Variants in AHR observed in about 807,000 individuals in gnomAD.
AHR encodes the protein AH-receptor.
AHR carries 40 observed loss-of-function variants against 86.8 expected under a neutral mutation model. The observed-to-expected ratio is 0.46, with a 90% confidence interval of 0.36 to 0.60. The LOEUF (loss-of-function observed/expected upper bound fraction) is 0.60. Ranked by LOEUF, AHR falls within the 20% of genes least tolerant of loss-of-function variation. AHR has a pLI of 0.00. For missense variants in AHR, 1,001 were observed against 1,011.6 expected (o/e 0.99, Z 0.14); for synonymous variants, 398 against 354.9 (o/e 1.12, Z -1.37).
At position 17,330,848 on chromosome 7, in the gene AHR, C is replaced by T; in HGVS notation, c.667C>T (p.Arg223Cys). The T allele has an allele frequency of 6.2e-7, 1 of 1,612,268 alleles. No homozygotes were observed. Among genetic ancestry groups the T allele is most frequent in the African/African-American group, 1.3e-5 (1 of 74,960 alleles). Residue 223 changes from arginine to cysteine, a missense_variant, in exon 6 of 11, where the codon CGT (arginine) becomes TGT (cysteine). This residue lies in a region of AHR where 394 missense variants were observed against 468.5 expected (regional missense o/e 0.84). Coordinates refer to ENST00000242057, the MANE Select transcript of AHR (RefSeq NM_001621.5). ...TTTAATGGAGAGGTGCTTCATATGT[C>T]GTCTAAGGTGTCTGCTGGATAATTC... Reference protein sequence around the residue: ...SPLMERCFICRLRCLLDNSSG... With the variant: ...SPLMERCFICCLRCLLDNSSG...
chr7:17,329,207 A>G (rs532095829), intron 4 of AHR, among the ~76,000 whole-genome samples: 1 of 151,988 alleles, frequency 6.6e-6, no homozygotes, highest in East Asian at 1.9e-4. Flanking sequence ...ACAGTGGATC[A>G]CTATCAAACT....
chr7:17,340,777 A>G (rs911301943), intron 10 of AHR, among the ~76,000 whole-genome samples: 2 of 152,100 alleles, frequency 1.3e-5, no homozygotes, highest in Non-Finnish European at 2.9e-5. Context: ...CATGTTCTCT[A>G]GCTATTCCTC....
At chr7:17,327,684 G>T (rs1019955445) in intron 3 of AHR, 75 bp from the exon 4 acceptor site, 2 of 769,424 alleles carry the variant, frequency 2.6e-6, no homozygotes, top group Non-Finnish European at 4.0e-6. Flanking sequence ...AATTTTCAGA[G>T]ATAAAAGTAA....
chr7:17,333,877 T>A, intron 6 of AHR, 35 bp from the exon 7 acceptor site: 1 of 1,569,590 alleles, frequency 6.4e-7, no homozygotes. Context: ...ATTGTTAATT[T>A]TAATGAACTT....
intron 2 of AHR, among the ~76,000 whole-genome samples, chr7:17,320,538 T>C (rs989925570): frequency 1.3e-5 from 2 of 152,104 alleles, no homozygotes; most frequent in African/African-American, 2.4e-5. Flanking sequence ...TATTTCATAA[T>C]GTAAGGGTTT....
chr7:17,310,692 G>A (rs371621283), intron 2 of AHR, among the ~76,000 whole-genome samples: 4 of 151,656 alleles, frequency 2.6e-5, no homozygotes, highest in South Asian at 2.1e-4. Context: ...CCACCACCAC[G>A]CCCAGCTAAT....
Position 17,344,908 on chromosome 7 carries a change from C to CA in AHR, c.*1844_*1845insA, listed in dbSNP as rs893463678. On this transcript the variant is annotated 3_prime_UTR_variant, in exon 11 of 11. Coordinates refer to ENST00000242057, the MANE Select transcript of AHR (RefSeq NM_001621.5). ...CCTCCCAAAGTGCTGGGATTACAGG[C>CA]GTGAGCCACTGCATTCAGCTCTTCT... is the stretch of plus-strand genomic sequence containing the variant. 5.3e-5 allele frequency: 8 copies of CA among 151,080 alleles called. No individual in the cohort carries two copies. The highest frequency in any genetic ancestry group is 1.7e-4 in the African/African-American group (7 of 41,162). The allele number at this position is 151,080 out of a possible 1,614,324, so 9.4% of individuals were successfully genotyped here.
intron 10 of AHR, among the ~76,000 whole-genome samples, chr7:17,341,526 CA>C (rs892642388): frequency 2.4e-4 from 37 of 152,130 alleles, no homozygotes; most frequent in African/African-American, 8.7e-4. Flanking sequence ...TATAGACCTA[CA>C]TATGTTCCAG....
chr7:17,342,810 G>T, intron 10 of AHR, 111 bp from the exon 11 acceptor site: 1 of 1,065,020 alleles, frequency 9.4e-7, no homozygotes, highest in Non-Finnish European at 1.4e-6. Context: ...GGAACTTGAA[G>T]TTTACAACTC....
intron 2 of AHR, among the ~76,000 whole-genome samples, chr7:17,318,969 G>A (rs1432409855): frequency 6.6e-6 from 1 of 152,094 alleles, no homozygotes; most frequent in Non-Finnish European, 1.5e-5. Flanking sequence ...ATGTTGAGTA[G>A]GCTGAGGAAG....
intron 1 of AHR, 36 bp from the exon 2 acceptor site, chr7:17,309,900 T>A (rs1782044312): frequency 6.8e-7 from 1 of 1,479,646 alleles, no homozygotes; most frequent in African/African-American, 1.4e-5. Context: ...TTATATTTTT[T>A]AAAGGATTTT....
Position 17,340,015 on chromosome 7 carries a change from C to T in AHR, c.2190C>T (p.Pro730=), listed in dbSNP as rs752627879. The part of the protein sequence containing the change: ...PMGSFEPSPY[P]TTSSLEDFVT... ...GGAGTTTTGAACCATCCCCATACCC[C>T]ACTACTTCTAGTTTAGAAGATTTTG... Residue 730 remains proline, a synonymous_variant, in exon 10 of 11, where the codon CCC becomes CCT. Transcript: ENST00000242057. 9 of 1,614,220 alleles carry T rather than the reference C, an allele frequency of 5.6e-6. No homozygotes were observed. The Admixed American group carries it at 1.3e-4, about 24-fold the overall frequency.
At chr7:17,326,260 C>T (rs1344959147) in intron 3 of AHR, among the ~76,000 whole-genome samples, 1 of 152,076 alleles carries the variant, frequency 6.6e-6, no homozygotes, top group Non-Finnish European at 1.5e-5. Flanking sequence ...TCTTTGTAGT[C>T]AAGTTCTTAG....
chr7:17,335,583 G>C, intron 8 of AHR, 62 bp from the exon 9 acceptor site: 8 of 1,389,138 alleles, frequency 5.8e-6, no homozygotes, highest in Non-Finnish European at 7.7e-6. Flanking sequence ...CTTTGTTTTA[G>C]GAATAATCTT....
chr7:17,312,857 T>C (rs1206557122), intron 2 of AHR, among the ~76,000 whole-genome samples: 1 of 152,218 alleles, frequency 6.6e-6, no homozygotes, highest in Non-Finnish European at 1.5e-5. Context: ...ATGCCCCTGC[T>C]GATAACAAGG....
Position 17,299,344 on chromosome 7 carries a change from C to A in AHR, c.65+15C>A, listed in dbSNP as rs754844060. The A allele has an allele frequency of 6.2e-7, 1 of 1,611,140 alleles. No homozygotes were observed. The highest frequency in any genetic ancestry group is 8.5e-7 in the Non-Finnish European group (1 of 1,179,152). ...GTGCAGAAAACGTGAGTGTCCCGAG[C>A]GCGTCCTCATCGCGGGGGCTGGGCG... On this transcript the variant is annotated intron_variant, in intron 1 of 10. Coordinates refer to ENST00000242057, the MANE Select transcript of AHR (RefSeq NM_001621.5).
At chr7:17,315,606 T>C (rs1049169776) in intron 2 of AHR, among the ~76,000 whole-genome samples, 12 of 152,006 alleles carry the variant, frequency 7.9e-5, no homozygotes, top group African/African-American at 2.9e-4. Context: ...AATCACCAAC[T>C]TTCAGCAATT....
At chr7:17,326,900 TAGTG>T (rs1782236132) in intron 3 of AHR, among the ~76,000 whole-genome samples, 1 of 151,908 alleles carries the variant, frequency 6.6e-6, no homozygotes, top group Non-Finnish European at 1.5e-5. Context: ...AAGGAGAAAA[TAGTG>T]AGGGCTTGTA....
rs55738947 is a variant in AHR at position 17,312,015 on chromosome 7, C to G, written c.253+1892C>G. Among the ~76,000 whole-genome samples, 1,266 of 152,256 alleles carry G rather than the reference C, an allele frequency of 8.3e-3. 21 individuals carry two copies. Among genetic ancestry groups the G allele is most frequent in the African/African-American group, 0.029 (1,224 of 41,548 alleles). ...TTGCTAGAAATGCAAATTATTGGGT[C>G]CAACCCTAGACCTGTGGAATCTAAG... On this transcript the variant is annotated intron_variant, in intron 2 of 10. Transcript: ENST00000242057.
Sources: gnomAD v4.1 joint callset for allele counts (sites outside exome capture counted in the v4.1 genomes callset) on GRCh38, gnomAD v4.1.1 for gene constraint, gnomAD v4.1.1 regional missense constraint, MANE v1.5 for transcripts, NCBI Gene and HGNC (gene_info 2026-07-23, HGNC 2026-07-21) for gene names.